Variants in EYS observed in about 807,000 individuals in gnomAD.
EYS encodes protein eyes shut homolog.
Under a neutral mutation model 282.1 loss-of-function variants are expected in EYS, and 250 were observed. The observed-to-expected ratio is 0.89, with a 90% CI of 0.80 to 0.98. The LOEUF (loss-of-function observed/expected upper bound fraction) is 0.98, where lower values mean the gene tolerates loss of function less well. Ranked by LOEUF, EYS falls within the 50% of genes least tolerant of loss-of-function variation. The probability of loss-of-function intolerance (pLI) is 0.00; values close to 1 mark genes in which losing one functional copy is unlikely to be tolerated. For synonymous variants in EYS, 1,355 were observed against 1,282.9 expected (o/e 1.06, Z -1.20); for missense variants, 4,016 against 3,709.0 (o/e 1.08, Z -2.15).
At chr6:64,629,204 T>C (rs1426140257) in intron 22 of EYS, among the ~76,000 whole-genome samples, 1 of 152,156 alleles carries the variant, frequency 6.6e-6, no homozygotes, top group African/African-American at 2.4e-5. Context: ...AGGTTTAATA[T>C]TATTCCCATG....
chr6:65,397,170 T>A (rs1766308348), intron 7 of EYS, among the ~76,000 whole-genome samples: 1 of 151,734 alleles, frequency 6.6e-6, no homozygotes, highest in African/African-American at 2.4e-5. Flanking sequence ...GTATTTTTAT[T>A]TTTTCTAAGC....
At position 63,945,467 on chromosome 6, in the gene EYS, G is replaced by A. The variant is rs571479140; in HGVS notation, c.7055+38916C>T. ...CCAAACCATATCAGCCATATATACA[G>A]GTAGGTTTAGGTAAAGATTAAAGGT... On this transcript the variant is annotated intron_variant, in intron 35 of 42. Transcript: ENST00000503581. Among the ~76,000 whole-genome samples the A allele has an allele frequency of 2.6e-5, 4 of 152,178 alleles. No individual in the cohort carries two copies. The South Asian group carries it at 8.3e-4, about 32-fold the overall frequency.
chr6:65,484,245 T>G (rs548139712), intron 5 of EYS, among the ~76,000 whole-genome samples: 4 of 152,178 alleles, frequency 2.6e-5, no homozygotes, highest in Non-Finnish European at 5.9e-5. Context: ...AGAATATTGC[T>G]GAAGTATCTC....
intron 11 of EYS, among the ~76,000 whole-genome samples, chr6:65,301,797 G>A (rs1272614598): frequency 6.6e-5 from 10 of 152,306 alleles, no homozygotes; most frequent in African/African-American, 2.2e-4. Flanking sequence ...TAATTGGTGC[G>A]GATTCCTGTG....
intron 30 of EYS, among the ~76,000 whole-genome samples, chr6:64,273,724 T>C (rs1325333147): frequency 1.3e-5 from 2 of 152,286 alleles, no homozygotes; most frequent in African/African-American, 4.8e-5. Flanking sequence ...TAGGCTGAGC[T>C]GTGGTCATGG....
At chr6:64,082,234 G>A (rs1031666191) in intron 31 of EYS, among the ~76,000 whole-genome samples, 1 of 152,094 alleles carries the variant, frequency 6.6e-6, no homozygotes, top group African/African-American at 2.4e-5. Flanking sequence ...ATAATTTGAT[G>A]TTTATGGATG....
chr6:63,728,287 T>G (rs1176103283), intron 41 of EYS, among the ~76,000 whole-genome samples: 1 of 152,230 alleles, frequency 6.6e-6, no homozygotes, highest in Non-Finnish European at 1.5e-5. Context: ...TTGATTTATT[T>G]TAAATAAAAC....
At chr6:64,894,447 T>C (rs1274778157) in intron 18 of EYS, among the ~76,000 whole-genome samples, 2 of 152,116 alleles carry the variant, frequency 1.3e-5, no homozygotes, top group African/African-American at 4.8e-5. Context: ...GTTTTAGAAA[T>C]GAAATATATA....
At chr6:65,685,956 C>G (rs1046066957) in intron 1 of EYS, among the ~76,000 whole-genome samples, 1 of 151,934 alleles carries the variant, frequency 6.6e-6, no homozygotes, top group African/African-American at 2.4e-5. Flanking sequence ...CTTCCCAGAT[C>G]TCCGTTCAAG....
intron 36 of EYS, among the ~76,000 whole-genome samples, chr6:63,862,649 T>C (rs1416934259): frequency 1.3e-5 from 2 of 152,218 alleles, no homozygotes; most frequent in African/African-American, 2.4e-5. Flanking sequence ...CGATGATTCA[T>C]CTCTTAGTAA....
intron 37 of EYS, among the ~76,000 whole-genome samples, chr6:63,792,686 T>G (rs150422149): frequency 3.1e-4 from 47 of 152,242 alleles, no homozygotes; most frequent in Middle Eastern, 6.8e-3. Flanking sequence ...AGAAATATTT[T>G]TTAACAGAAT....
intron 19 of EYS, among the ~76,000 whole-genome samples, chr6:64,857,630 G>C (rs1048290522): frequency 6.6e-6 from 1 of 152,128 alleles, no homozygotes; most frequent in African/African-American, 2.4e-5. Flanking sequence ...TTCAGAAGTA[G>C]ATATGCTGGA....
At chr6:63,956,370 C>T (rs904120841) in intron 35 of EYS, among the ~76,000 whole-genome samples, 1 of 152,112 alleles carries the variant, frequency 6.6e-6, no homozygotes, top group Non-Finnish European at 1.5e-5. Context: ...CTATAATTTC[C>T]ATTACCAACC....
intron 22 of EYS, among the ~76,000 whole-genome samples, chr6:64,696,924 A>G (rs1012805071): frequency 6.6e-6 from 1 of 152,284 alleles, no homozygotes; most frequent in South Asian, 2.1e-4. Context: ...ATATAAAGCA[A>G]TTACACAAAG....
At chr6:65,611,997 T>C (rs911728903) in intron 2 of EYS, among the ~76,000 whole-genome samples, 9 of 151,976 alleles carry the variant, frequency 5.9e-5, no homozygotes, top group Non-Finnish European at 8.8e-5. Flanking sequence ...ATTATTTGCA[T>C]ATATAAGCCA....
chr6:64,819,129 T>C (rs544847086), intron 21 of EYS, among the ~76,000 whole-genome samples: 15 of 152,276 alleles, frequency 9.9e-5, no homozygotes, highest in African/African-American at 3.6e-4. Flanking sequence ...GAGTGTGTTA[T>C]CTAAGCATTG....
At chr6:64,953,644 T>C (rs1356016291) in intron 14 of EYS, among the ~76,000 whole-genome samples, 1 of 151,840 alleles carries the variant, frequency 6.6e-6, no homozygotes, top group African/African-American at 2.4e-5. Flanking sequence ...TTTATCTTGG[T>C]GCTTTAAATC....
At chr6:65,417,178 A>G (rs1767272046) in intron 5 of EYS, among the ~76,000 whole-genome samples, 1 of 151,992 alleles carries the variant, frequency 6.6e-6, no homozygotes. Context: ...TTGTAGTAAA[A>G]TTGCAATCTA....
At chr6:64,139,779 G>T (rs1267809203) in intron 31 of EYS, among the ~76,000 whole-genome samples, 1 of 151,970 alleles carries the variant, frequency 6.6e-6, no homozygotes, top group Non-Finnish European at 1.5e-5. Context: ...GACCAGCCTG[G>T]CCAAGATGGG....
Sources: allele counts gnomAD v4.1 joint callset (sites outside exome capture counted in the v4.1 genomes callset), GRCh38; gene constraint gnomAD v4.1.1; transcripts MANE v1.5; gene names NCBI Gene and HGNC (gene_info 2026-07-23, HGNC 2026-07-21).